PAPPA2: variants seen among roughly 807,000 people sequenced by gnomAD.
The protein encoded by PAPPA2 is pappalysin 2.
Under a neutral mutation model 176.4 loss-of-function variants are expected in PAPPA2, and 86 were observed. That is an observed-to-expected ratio of 0.49 (90% CI 0.41 to 0.58). PAPPA2 has a LOEUF of 0.58. Ranked by LOEUF, PAPPA2 falls within the 20% of genes least tolerant of loss-of-function variation. The probability of loss-of-function intolerance (pLI) is 0.00; values close to 1 mark genes in which losing one functional copy is unlikely to be tolerated. For synonymous variants in PAPPA2, 809 were observed against 852.2 expected (o/e 0.95, Z 0.88); for missense variants, 2,073 against 2,256.9 (o/e 0.92, Z 1.65).
At chr1:176,496,225 A>G (rs1572968833) in intron 1 of PAPPA2, among the ~76,000 whole-genome samples, 2 of 152,258 alleles carry the variant, frequency 1.3e-5, no homozygotes, top group East Asian at 3.9e-4. Flanking sequence ...TATATCTCCA[A>G]TGCTATACAA....
At chr1:176,523,851 T>C (rs1467470959) in intron 1 of PAPPA2, among the ~76,000 whole-genome samples, 1 of 152,240 alleles carries the variant, frequency 6.6e-6, no homozygotes, top group African/African-American at 2.4e-5. Context: ...ATAGTCCCTG[T>C]AGAATTACAT....
intron 10 of PAPPA2, among the ~76,000 whole-genome samples, chr1:176,707,290 A>G (rs1176889819): frequency 6.6e-6 from 1 of 152,212 alleles, no homozygotes; most frequent in Non-Finnish European, 1.5e-5. Flanking sequence ...TATTATACAG[A>G]ATATACAAAT....
intron 15 of PAPPA2, 45 bp downstream of exon 15, chr1:176,765,882 G>T (rs1408524920): frequency 1.3e-6 from 2 of 1,598,772 alleles, no homozygotes; most frequent in Admixed American, 3.4e-5. Context: ...TCCTGGGAAG[G>T]GGAGGTATTC....
rs77057823 is a variant in PAPPA2 at position 176,797,066 on chromosome 1, A to G, written c.5131-2995A>G. ...TTTGGCATTTAGATACTGGAACTCA[A>G]TCATGCAAGAAGTTGCTTGCTAATA... On this transcript the variant is annotated intron_variant, in intron 20 of 22. Transcript: ENST00000367662. Among the ~76,000 whole-genome samples, 340 of 152,334 alleles carry G rather than the reference A, an allele frequency of 2.2e-3. 4 individuals carry two copies. In the East Asian group the frequency reaches 0.053, roughly 24 times the overall value.
At chr1:176,566,111 G>A (rs569355823) in intron 2 of PAPPA2, among the ~76,000 whole-genome samples, 1 of 152,316 alleles carries the variant, frequency 6.6e-6, no homozygotes, top group East Asian at 1.9e-4. Context: ...GGGGAGAAGG[G>A]AAGATGAAGC....
At chr1:176,473,049 T>C (rs183096020) in intron 1 of PAPPA2, among the ~76,000 whole-genome samples, 1 of 152,292 alleles carries the variant, frequency 6.6e-6, no homozygotes, top group East Asian at 1.9e-4. Context: ...CCAAAGTCCA[T>C]AGTTTATATT....
chr1:176,822,183 G>C (rs1488596038), intron 21 of PAPPA2, among the ~76,000 whole-genome samples: 2 of 152,170 alleles, frequency 1.3e-5, no homozygotes, highest in Admixed American at 1.3e-4. Flanking sequence ...CCACTACTGG[G>C]AGAGTAGGGA....
chr1:176,504,800 G>A (rs913860316), intron 1 of PAPPA2, among the ~76,000 whole-genome samples: 2 of 152,138 alleles, frequency 1.3e-5, no homozygotes, highest in Non-Finnish European at 2.9e-5. Context: ...CCATCTCATG[G>A]TTTTCCATAT....
chr1:176,739,732 C>T lies in PAPPA2; in HGVS notation c.3905C>T (p.Thr1302Ile), dbSNP rs373791481. ...HQQPTVTLYL[T>I]DVRGSNHSLG... ...CAGCCGACAGTGACTCTCTACCTGA[C>T]CGATGTCCGTGGAAGCAACCACTCT... The change falls in exon 13 of 23, where the codon ACC (threonine) becomes ATC (isoleucine). Residue 1302 changes from threonine (T) to isoleucine (I), a missense_variant. By Grantham distance (89) the Thr-to-Ile change is moderately conservative. Coordinates refer to ENST00000367662, the MANE Select transcript of PAPPA2 (RefSeq NM_020318.3). 27 of 1,613,664 alleles carry T rather than the reference C, an allele frequency of 1.7e-5. 1 individual carries two copies. In the African/African-American group the frequency reaches 2.3e-4, roughly 14 times the overall value.
chr1:176,763,562 T>TGTCAG (rs1663796138), intron 14 of PAPPA2, among the ~76,000 whole-genome samples: 2 of 152,218 alleles, frequency 1.3e-5, no homozygotes, highest in South Asian at 4.1e-4. Flanking sequence ...ATTTTTATTG[T>TGTCAG]GTCAACTACA....
At chr1:176,779,674 T>C (rs1041660240) in intron 17 of PAPPA2, among the ~76,000 whole-genome samples, 13 of 152,352 alleles carry the variant, frequency 8.5e-5, no homozygotes, top group Admixed American at 3.3e-4. Context: ...CTCATTACCC[T>C]GTGAAGAATG....
rs1663935192 is a variant in PAPPA2 at position 176,765,748 on chromosome 1, A to T, written c.4234A>T (p.Ile1412Leu). 1 of 1,614,126 alleles carries T rather than the reference A, an allele frequency of 6.2e-7. No individual in the cohort carries two copies. The highest frequency in any genetic ancestry group is 1.3e-5 in the African/African-American group (1 of 75,028). ...DHADVVNCTS[I>L]GPGLMKCAIT... ...TGCTGATGTGGTGAACTGTACCTCT[A>T]TAGGCCCAGGTCTCATGAAGTGTGC... is the stretch of plus-strand genomic sequence containing the variant. The change falls in exon 15 of 23, where the codon ATA (isoleucine) becomes TTA (leucine). Residue 1412 changes from isoleucine (I) to leucine (L), a missense_variant. Physicochemically the swap from Ile to Leu is conservative, Grantham distance 5 (BLOSUM62 2). This residue lies in a region of PAPPA2 where 846 missense variants were observed against 857.9 expected (regional missense o/e 0.99). Coordinates refer to ENST00000367662, the MANE Select transcript of PAPPA2 (RefSeq NM_020318.3).
chr1:176,738,700 A>G (rs1662531702), intron 12 of PAPPA2, among the ~76,000 whole-genome samples: 1 of 152,204 alleles, frequency 6.6e-6, no homozygotes, highest in African/African-American at 2.4e-5. Context: ...GGAAATTAAG[A>G]GAAATATTCA....
intron 21 of PAPPA2, among the ~76,000 whole-genome samples, chr1:176,835,539 G>A (rs1252326596): frequency 1.3e-5 from 2 of 152,120 alleles, no homozygotes; most frequent in Non-Finnish European, 2.9e-5. Flanking sequence ...TTGTTTTTGA[G>A]ACGGAGTTTC....
chr1:176,635,050 C>T (rs1215219038), intron 3 of PAPPA2, among the ~76,000 whole-genome samples: 1 of 151,976 alleles, frequency 6.6e-6, no homozygotes, highest in Non-Finnish European at 1.5e-5. Flanking sequence ...GACTAAACCT[C>T]AGGGAAATAA....
At chr1:176,602,657 G>T (rs994938532) in intron 3 of PAPPA2, among the ~76,000 whole-genome samples, 1 of 152,222 alleles carries the variant, frequency 6.6e-6, no homozygotes, top group Admixed American at 6.5e-5. Context: ...ATAAGCGTAA[G>T]GGGTAGAAGA....
At chr1:176,768,013 T>TG (rs1664056640) in intron 15 of PAPPA2, among the ~76,000 whole-genome samples, 1 of 152,098 alleles carries the variant, frequency 6.6e-6, no homozygotes. Context: ...GTGTCAGGGG[T>TG]GACAGGTGCC....
intron 12 of PAPPA2, among the ~76,000 whole-genome samples, chr1:176,734,665 C>T (rs901649321): frequency 6.6e-6 from 1 of 152,100 alleles, no homozygotes; most frequent in Non-Finnish European, 1.5e-5. Flanking sequence ...TCCCTTGAAA[C>T]TTTGATTATT....
At chr1:176,705,436 A>T (rs1660837429) in intron 9 of PAPPA2, among the ~76,000 whole-genome samples, 1 of 152,180 alleles carries the variant, frequency 6.6e-6, no homozygotes, top group South Asian at 2.1e-4. Flanking sequence ...AGAGCTATTT[A>T]TGATGTTCTG....
Sources: gnomAD v4.1 joint callset for allele counts (sites outside exome capture counted in the v4.1 genomes callset) on GRCh38, gnomAD v4.1.1 for gene constraint, gnomAD v4.1.1 regional missense constraint, MANE v1.5 for transcripts, NCBI Gene and HGNC (gene_info 2026-07-23, HGNC 2026-07-21) for gene names.